KCNQ1: variants seen among roughly 807,000 people sequenced by gnomAD.
The protein encoded by KCNQ1 is potassium voltage-gated channel subfamily KQT member 1.
KCNQ1 carries 49 observed loss-of-function variants against 72.4 expected under a neutral mutation model. That is an observed-to-expected ratio of 0.68 (90% confidence interval 0.54 to 0.86). The LOEUF (loss-of-function observed/expected upper bound fraction) is 0.86, where lower values mean the gene tolerates loss of function less well. Ranked by LOEUF, KCNQ1 falls within the 40% of genes least tolerant of loss-of-function variation. The pLI is 0.00. For synonymous variants in KCNQ1, 450 were observed against 412.6 expected (o/e 1.09, Z -1.10); for missense variants, 790 against 945.1 (o/e 0.84, Z 2.15).
At chr11:2,449,596 C>T (rs1279422815) in intron 1 of KCNQ1, among the ~76,000 whole-genome samples, 6 of 152,150 alleles carry the variant, frequency 3.9e-5, no homozygotes, top group Non-Finnish European at 8.8e-5. Flanking sequence ...GAAGGGTGAA[C>T]AGCTCCAAAC....
rs1351242273 is a variant in KCNQ1 at position 2,611,967 on chromosome 11, A to G, written c.1393+23113A>G. ...CTACTCAAATATTTTTGTCTGCCCT[A>G]TTCTCTCCTTCTCAGTACTCTTATT... On this transcript the variant is annotated intron_variant, in intron 10 of 15. Transcript: ENST00000155840. This position sits in a 1 kb window ranked among gnomAD's most constrained non-coding sequence, Gnocchi z 5.3. The G allele has an allele frequency of 2.5e-6, 1 of 396,024 alleles. No individual in the cohort carries two copies. The highest frequency in any genetic ancestry group is 3.6e-5 in the East Asian group (1 of 27,916). The allele number at this position is 396,024 out of a possible 1,614,324, so 24.5% of individuals were successfully genotyped here.
rs1053159181 is a variant in KCNQ1, at chr11:2,562,695, T to G, written c.478-7933T>G. Among the ~76,000 whole-genome samples the G allele has an allele frequency of 6.6e-6, 1 of 152,094 alleles. No homozygotes were observed. The stretch of plus-strand genomic sequence containing the variant: ...CTCATTGTCTCCTAAAAAGTGTGGG[T>G]ACAGATCTCAGGCTTTTCAAGGGTG... On this transcript the variant is annotated intron_variant, in intron 2 of 15. Transcript: ENST00000155840. This position sits in a 1 kb window ranked among gnomAD's most constrained non-coding sequence, Gnocchi z 7.5.
chr11:2,694,780 CAG>C (rs137893372), intron 11 of KCNQ1: 8,108 of 398,590 alleles, frequency 0.02, 256 homozygotes, highest in East Asian at 0.095. Flanking sequence ...CTGTGCTTTG[CAG>C]AGACTCGAAA....
In KCNQ1 at chr11:2,481,983, C is replaced by T. The variant is rs770765063; in HGVS notation, c.386+36499C>T. Among the ~76,000 whole-genome samples the T allele has an allele frequency of 6.6e-6, 1 of 152,218 alleles. No individual in the cohort carries two copies. The highest frequency in any genetic ancestry group is 2.1e-4 in the South Asian group (1 of 4,838). ...TGTGGAAAAACTGTTTTCCATGAAACCAGTCACTGGTCCCAAAAAGGTTGG... is the reference window on the plus strand; with the variant it reads ...TGTGGAAAAACTGTTTTCCATGAAATCAGTCACTGGTCCCAAAAAGGTTGG... On this transcript the variant is annotated intron_variant, in intron 1 of 15. Coordinates refer to ENST00000155840, the MANE Select transcript of KCNQ1 (RefSeq NM_000218.3). The surrounding 1 kb of genome is among the most constrained non-coding windows in gnomAD (Gnocchi z 4.6).
chr11:2,474,090 A>C (rs1846534233), intron 1 of KCNQ1, among the ~76,000 whole-genome samples: 1 of 151,810 alleles, frequency 6.6e-6, no homozygotes, highest in Non-Finnish European at 1.5e-5. Flanking sequence ...CCCAGTGTGG[A>C]GTGGTTTTTT....
intron 11 of KCNQ1, chr11:2,667,961 G>C (rs1850113052): frequency 2.5e-6 from 1 of 398,556 alleles, no homozygotes; most frequent in Non-Finnish European, 4.4e-6. Flanking sequence ...CCCCCAGAAA[G>C]CCTCTCAGGC....
In KCNQ1 at chr11:2,482,803, C is replaced by G. The variant is rs1234509517; in HGVS notation, c.386+37319C>G. Among the ~76,000 whole-genome samples the G allele has an allele frequency of 6.6e-6, 1 of 152,146 alleles. No individual in the cohort carries two copies. The highest frequency in any genetic ancestry group is 2.4e-5 in the African/African-American group (1 of 41,430). On this transcript the variant is annotated intron_variant, in intron 1 of 15. Coordinates refer to ENST00000155840, the MANE Select transcript of KCNQ1 (RefSeq NM_000218.3). The surrounding 1 kb of genome is among the most constrained non-coding windows in gnomAD (Gnocchi z 5.7). ...TATTTTAGCCACCCATTCACTGGCC[C>G]ACCTGCCCCTGGTGCACCTGCAGCA...
intron 11 of KCNQ1, among the ~76,000 whole-genome samples, chr11:2,718,072 G>A (rs1056503317): frequency 1.3e-5 from 2 of 152,190 alleles, no homozygotes; most frequent in Non-Finnish European, 2.9e-5. Context: ...CTGTGGAGCT[G>A]CCTCTTCTGG....
intron 11 of KCNQ1, among the ~76,000 whole-genome samples, chr11:2,739,741 G>A (rs969432972): frequency 2.6e-5 from 4 of 152,262 alleles, no homozygotes; most frequent in African/African-American, 4.8e-5. Context: ...GAGGACTGCC[G>A]GCCCTGTCAG....
rs1348143966 is a variant in KCNQ1, at chr11:2,735,044, A to G, written c.1515-33800A>G. On this transcript the variant is annotated intron_variant, in intron 11 of 15. Transcript: ENST00000155840. This position sits in a 1 kb window ranked among gnomAD's most constrained non-coding sequence, Gnocchi z 7.7. ...CGGAGGGCACACTAACAAGAGGCAC[A>G]TGTGCCAGGGAAGCCCTGCCTTGTC... Among the ~76,000 whole-genome samples, 2 of 152,058 alleles carry G rather than the reference A, an allele frequency of 1.3e-5. No homozygotes were observed. Among genetic ancestry groups the G allele is most frequent in the Non-Finnish European group, 2.9e-5 (2 of 67,976 alleles).
In KCNQ1 at chr11:2,713,505, C is replaced by A. The variant is rs1851040523; in HGVS notation, c.1514+51424C>A. 6.6e-6 allele frequency among the ~76,000 whole-genome samples: 1 copy of A among 152,254 alleles called. No homozygotes were observed. The highest frequency in any genetic ancestry group is 1.5e-5 in the Non-Finnish European group (1 of 68,048). The stretch of plus-strand genomic sequence containing the variant: ...AATCGCCATCCCCATTATTTCTTCA[C>A]TTTCTCCAGCTGAATTTTTCCCACT... On this transcript the variant is annotated intron_variant, in intron 11 of 15. Coordinates refer to ENST00000155840, the MANE Select transcript of KCNQ1 (RefSeq NM_000218.3). This position sits in a 1 kb window ranked among gnomAD's most constrained non-coding sequence, Gnocchi z 5.6.
Position 2,681,285 on chromosome 11 carries a change from TTCCTG to T in KCNQ1, c.1514+19209_1514+19213del, listed in dbSNP as rs1434568808. Reference sequence around the variant, plus strand: ...GAGAGCTTCACTTTCTCCCTATACCTTCCTGTCCTACCAGCCCACCTGGTTCTCTG... The same window carrying T: ...GAGAGCTTCACTTTCTCCCTATACCTTCCTACCAGCCCACCTGGTTCTCTG... On this transcript the variant is annotated intron_variant, in intron 11 of 15. Transcript: ENST00000155840. 13 of 398,404 alleles carry T rather than the reference TTCCTG, an allele frequency of 3.3e-5. No individual in the cohort carries two copies. The Admixed American group carries it at 5.7e-4, about 18-fold the overall frequency. The allele number at this position is 398,404 out of a possible 1,614,324, so 24.7% of individuals were successfully genotyped here. A position where few individuals can be genotyped will look rare whatever the true frequency, so the allele number is the denominator to read the frequency against.
At chr11:2,788,176 T>C (rs1846948573) in intron 15 of KCNQ1, among the ~76,000 whole-genome samples, 2 of 151,004 alleles carry the variant, frequency 1.3e-5, no homozygotes, top group African/African-American at 4.9e-5. Context: ...CCAACAGAGA[T>C]GCATCCCTGC....
intron 11 of KCNQ1, among the ~76,000 whole-genome samples, chr11:2,705,721 G>A (rs2133911862): frequency 6.6e-6 from 1 of 152,322 alleles, no homozygotes; most frequent in Non-Finnish European, 1.5e-5. Context: ...GGGCCAACCT[G>A]GGAAGTTGTT....
At chr11:2,454,025 C>T (rs1270591097) in intron 1 of KCNQ1, among the ~76,000 whole-genome samples, 1 of 152,102 alleles carries the variant, frequency 6.6e-6, no homozygotes, top group East Asian at 1.9e-4. Flanking sequence ...CCACCTCAGC[C>T]TCCCAAAGTG....
rs971024439 is a variant in KCNQ1 at position 2,772,091 on chromosome 11, G to C, written c.1590+3172G>C. On this transcript the variant is annotated intron_variant, in intron 12 of 15. Transcript: ENST00000155840. The surrounding 1 kb of genome is among the most constrained non-coding windows in gnomAD (Gnocchi z 6.6). ...CTCACCAGCTGGCTCTTATTGCTGGGAGCAGCATGGAGGGGTGGGGCCAGG... is the reference window on the plus strand; with the variant it reads ...CTCACCAGCTGGCTCTTATTGCTGGCAGCAGCATGGAGGGGTGGGGCCAGG... Among the ~76,000 whole-genome samples, 12 of 152,164 alleles carry C rather than the reference G, an allele frequency of 7.9e-5. No individual in the cohort carries two copies. The highest frequency in any genetic ancestry group is 1.6e-4 in the Non-Finnish European group (11 of 68,020).
chr11:2,455,253 A>G (rs757622462), intron 1 of KCNQ1, among the ~76,000 whole-genome samples: 10 of 152,090 alleles, frequency 6.6e-5, no homozygotes, highest in African/African-American at 1.2e-4. Flanking sequence ...GTCTGCCACC[A>G]CGCCCGGCTA....
At chr11:2,560,541 G>T (rs1486617639) in intron 2 of KCNQ1, among the ~76,000 whole-genome samples, 2 of 38,472 alleles carry the variant, frequency 5.2e-5, no homozygotes, top group African/African-American at 2.6e-4. Context: ...CTGGGGGGGC[G>T]GGGGGGGGTG....
At position 2,735,745 on chromosome 11, in the gene KCNQ1, C is replaced by T. The variant is rs2065536363; in HGVS notation, c.1515-33099C>T. Among the ~76,000 whole-genome samples, 1 of 152,118 alleles carries T rather than the reference C, an allele frequency of 6.6e-6. No individual in the cohort carries two copies. Reference sequence around the variant, plus strand: ...CTGCAGGGCTGGGTCCTCCTGCAGCCTCTCTCCGTGGCTTGTAGACATCAC... The same window carrying T: ...CTGCAGGGCTGGGTCCTCCTGCAGCTTCTCTCCGTGGCTTGTAGACATCAC... On this transcript the variant is annotated intron_variant, in intron 11 of 15. Coordinates refer to ENST00000155840, the MANE Select transcript of KCNQ1 (RefSeq NM_000218.3). This position sits in a 1 kb window ranked among gnomAD's most constrained non-coding sequence, Gnocchi z 7.7.
Sources: allele counts gnomAD v4.1 joint callset (sites outside exome capture counted in the v4.1 genomes callset), GRCh38; gene constraint gnomAD v4.1.1; non-coding constraint Gnocchi (gnomAD v3.1); transcripts MANE v1.5; gene names NCBI Gene and HGNC (gene_info 2026-07-23, HGNC 2026-07-21).